The following FUT8 variants were observed in gnomAD, a reference collection of about 807,000 sequenced individuals.
FUT8 encodes alpha-(1,6)-fucosyltransferase.
In FUT8, 29 loss-of-function variants were observed where a neutral mutation model predicts 71.3. That is an observed-to-expected ratio of 0.41 (90% CI 0.30 to 0.55). The LOEUF is 0.55. Ranked by LOEUF, FUT8 falls within the 20% of genes least tolerant of loss-of-function variation. The pLI is 0.34. For missense variants in FUT8, 544 were observed against 702.1 expected (o/e 0.77, Z 2.55); for synonymous variants, 254 against 239.3 (o/e 1.06, Z -0.57).
At chr14:65,418,029 G>C (rs1452927337) in intron 1 of FUT8, among the ~76,000 whole-genome samples, 1 of 152,108 alleles carries the variant, frequency 6.6e-6, no homozygotes, top group Non-Finnish European at 1.5e-5. Flanking sequence ...AATAATCTTA[G>C]ATGAAAATGG....
intron 9 of FUT8, among the ~76,000 whole-genome samples, chr14:65,729,591 C>T (rs142773835): frequency 2.3e-4 from 34 of 150,112 alleles, no homozygotes; most frequent in African/African-American, 7.1e-4. Flanking sequence ...TCTCAGCTCA[C>T]GGTAGCCTCG....
intron 2 of FUT8, among the ~76,000 whole-genome samples, chr14:65,461,613 CCT>C (rs753731997): frequency 1.1e-4 from 16 of 152,242 alleles, no homozygotes; most frequent in South Asian, 2.1e-4. Context: ...AGTCAGAGTA[CCT>C]TAGTTCTGCT....
At chr14:65,364,942 CCA>C in the FUT8 span, among the ~76,000 whole-genome samples, 2 of 152,200 alleles carry the variant, frequency 1.3e-5, no homozygotes, top group Non-Finnish European at 1.5e-5. Context: ...GGCTTGCCGT[CCA>C]CACACACCCC....
chr14:65,594,465 G>A (rs1887855509), intron 3 of FUT8, among the ~76,000 whole-genome samples: 1 of 152,188 alleles, frequency 6.6e-6, no homozygotes, highest in Non-Finnish European at 1.5e-5. Context: ...TCCATTGTCT[G>A]CAGACATCAG....
chr14:65,450,019 A>G (rs2065798250), intron 1 of FUT8, among the ~76,000 whole-genome samples: 3 of 152,210 alleles, frequency 2.0e-5, no homozygotes, highest in Non-Finnish European at 4.4e-5. Flanking sequence ...CATCTGTTAA[A>G]CATGTTTTCC....
intron 6 of FUT8, among the ~76,000 whole-genome samples, chr14:65,667,753 G>A (rs551294459): frequency 6.6e-5 from 10 of 152,084 alleles, no homozygotes; most frequent in Middle Eastern, 3.4e-3. Context: ...TGGAAGCACC[G>A]CATTACCCGA....
the FUT8 span, among the ~76,000 whole-genome samples, chr14:65,391,278 G>C: frequency 9.7e-3 from 1,481 of 152,312 alleles, 25 homozygotes; most frequent in African/African-American, 0.034. Flanking sequence ...CTTTTGGCCA[G>C]TTTGCTACTT....
intron 2 of FUT8, among the ~76,000 whole-genome samples, chr14:65,501,509 C>T (rs1262901510): frequency 6.6e-6 from 1 of 152,156 alleles, no homozygotes; most frequent in Non-Finnish European, 1.5e-5. Flanking sequence ...ACTGCTACTG[C>T]TGGGGTGGAG....
At chr14:65,357,045 T>G in the FUT8 span, among the ~76,000 whole-genome samples, 1 of 152,214 alleles carries the variant, frequency 6.6e-6, no homozygotes, top group African/African-American at 2.4e-5. Context: ...ATAGAAGCCA[T>G]GAGTACTTAC....
intron 2 of FUT8, among the ~76,000 whole-genome samples, chr14:65,484,679 A>C (rs187508111): frequency 5.4e-4 from 82 of 152,172 alleles, no homozygotes; most frequent in Admixed American, 2.0e-3. Context: ...GTCTCAAAAA[A>C]ATAAAAAAAT....
intron 1 of FUT8, among the ~76,000 whole-genome samples, chr14:65,438,752 G>C (rs1644190276): frequency 6.6e-6 from 1 of 152,112 alleles, no homozygotes; most frequent in South Asian, 2.1e-4. Context: ...TTCTGTGGTT[G>C]AACTCTTGGT....
the FUT8 span, among the ~76,000 whole-genome samples, chr14:65,372,904 G>A: frequency 3.9e-5 from 6 of 152,222 alleles, no homozygotes; most frequent in South Asian, 4.1e-4. Context: ...CATACCTGGT[G>A]TGTTCCTAGC....
chr14:65,726,641 G>T (rs139530366), intron 9 of FUT8, among the ~76,000 whole-genome samples: 1 of 152,068 alleles, frequency 6.6e-6, no homozygotes, highest in Non-Finnish European at 1.5e-5. Context: ...ATGAGATTTG[G>T]GTGGAGACAC....
intron 2 of FUT8, among the ~76,000 whole-genome samples, chr14:65,465,746 G>A (rs2066033676): frequency 6.6e-6 from 1 of 152,120 alleles, no homozygotes; most frequent in Admixed American, 6.5e-5. Flanking sequence ...TGTGTATACT[G>A]CTGTTGCTGG....
rs1896598197 is a variant in FUT8, at chr14:65,743,395, G to A, written c.*985G>A. 1 of 151,778 alleles carries A rather than the reference G, an allele frequency of 6.6e-6. No homozygotes were observed. Among genetic ancestry groups the A allele is most frequent in the African/African-American group, 2.4e-5 (1 of 41,344 alleles). The allele number at this position is 151,778 out of a possible 1,614,324, so 9.4% of individuals were successfully genotyped here. ...TGGGAGCTTTCATTCTCATATTTTG[G>A]ACATTGTTTTAATTGAGTGAAATAA... On this transcript the variant is annotated 3_prime_UTR_variant, in exon 11 of 11. Transcript: ENST00000673929.
intron 9 of FUT8, among the ~76,000 whole-genome samples, chr14:65,731,940 A>G (rs189698860): frequency 1.3e-5 from 2 of 152,350 alleles, no homozygotes; most frequent in Admixed American, 6.5e-5. Flanking sequence ...TTATTCAAGG[A>G]TAAAACCTAT....
At chr14:65,364,202 C>CG in the FUT8 span, among the ~76,000 whole-genome samples, 1 of 45,680 alleles carries the variant, frequency 2.2e-5, no homozygotes, top group Non-Finnish European at 6.9e-5. Flanking sequence ...GATCCAAAAC[C>CG]ATTTTTTTTT....
chr14:65,382,756 C>G, the FUT8 span, among the ~76,000 whole-genome samples: 1 of 152,196 alleles, frequency 6.6e-6, no homozygotes, highest in Non-Finnish European at 1.5e-5. Context: ...AACCACAGCT[C>G]TAGAATAGCT....
chr14:65,584,234 A>G (rs899776105), intron 3 of FUT8, among the ~76,000 whole-genome samples: 1 of 147,636 alleles, frequency 6.8e-6, no homozygotes, highest in African/African-American at 2.5e-5. Context: ...GCTGGAGTGC[A>G]GTGGTGCGAT....
Sources: gnomAD v4.1 joint callset for allele counts (sites outside exome capture counted in the v4.1 genomes callset) on GRCh38, gnomAD v4.1.1 for gene constraint, MANE v1.5 for transcripts, NCBI Gene and HGNC (gene_info 2026-07-23, HGNC 2026-07-21) for gene names.